DOCK2: variants seen among roughly 807,000 people sequenced by gnomAD.
DOCK2 encodes the protein dedicator of cytokinesis protein 2.
Under a neutral mutation model 248.9 loss-of-function variants are expected in DOCK2, and 87 were observed. That is an observed-to-expected ratio of 0.35 (90% confidence interval 0.29 to 0.42). DOCK2 has a LOEUF of 0.42. Among genes scored for constraint, DOCK2 ranks in the 10% least tolerant of loss-of-function variants. The pLI is 1.00. For missense variants in DOCK2, 1,747 were observed against 2,300.2 expected (o/e 0.76, Z 4.92); for synonymous variants, 805 against 821.6 (o/e 0.98, Z 0.35).
chr5:169,975,229 C>T (rs1777674511), intron 27 of DOCK2, among the ~76,000 whole-genome samples: 1 of 152,224 alleles, frequency 6.6e-6, no homozygotes. Flanking sequence ...GTGCTTTTCA[C>T]AAACTCCTGA....
chr5:169,986,041 C>A, intron 29 of DOCK2, 119 bp downstream of exon 29: 2 of 931,210 alleles, frequency 2.1e-6, no homozygotes, highest in Non-Finnish European at 3.1e-6. Context: ...AGTGTTAAGG[C>A]ATGCTTTCTT....
intron 27 of DOCK2, among the ~76,000 whole-genome samples, chr5:169,952,729 T>C (rs142068132): frequency 1.3e-5 from 2 of 152,282 alleles, no homozygotes; most frequent in East Asian, 3.9e-4. Context: ...TGGAGACATC[T>C]CAGGTAGGGG....
At position 169,753,377 on chromosome 5, in the gene DOCK2, G is replaced by T. The variant is rs553317885; in HGVS notation, c.2376+5873G>T. Among the ~76,000 whole-genome samples the T allele has an allele frequency of 3.5e-3, 424 of 122,222 alleles. 2 individuals are homozygous for T. Among genetic ancestry groups the T allele is most frequent in the African/African-American group, 0.013 (413 of 31,668 alleles). The allele number at this position is 122,222 out of a possible 152,430, so 80.2% of individuals were successfully genotyped here. A position where few individuals can be genotyped will look rare whatever the true frequency, so the allele number is the denominator to read the frequency against. On this transcript the variant is annotated intron_variant, in intron 23 of 51. Transcript: ENST00000520908. ...CCTCACCCCCCCCCACCCCCTGACA[G>T]CTCCCCTGTGTGTTGTTCCCCACCC...
At chr5:169,960,603 G>T (rs1334691394) in intron 27 of DOCK2, among the ~76,000 whole-genome samples, 3 of 152,120 alleles carry the variant, frequency 2.0e-5, no homozygotes, top group Non-Finnish European at 4.4e-5. Context: ...ATAATGGAGG[G>T]CCAGCCATTT....
intron 27 of DOCK2, among the ~76,000 whole-genome samples, chr5:169,939,533 A>G (rs1465245995): frequency 6.6e-6 from 1 of 152,154 alleles, no homozygotes; most frequent in African/African-American, 2.4e-5. Context: ...TATTATTGTC[A>G]ATTATGTGCT....
chr5:169,745,902 G>T (rs992954325), intron 22 of DOCK2, among the ~76,000 whole-genome samples: 1 of 152,148 alleles, frequency 6.6e-6, no homozygotes, highest in Non-Finnish European at 1.5e-5. Context: ...AAGCCGGGGT[G>T]GGGGTGAGTT....
chr5:169,671,037 G>T, intron 4 of DOCK2, 41 bp from the exon 5 acceptor site: 1 of 1,567,648 alleles, frequency 6.4e-7, no homozygotes, highest in Non-Finnish European at 8.8e-7. Context: ...GTTAGCACCT[G>T]GGTCTCAATT....
chr5:169,725,783 T>C (rs1422536792), intron 22 of DOCK2, among the ~76,000 whole-genome samples: 1 of 152,142 alleles, frequency 6.6e-6, no homozygotes, highest in East Asian at 1.9e-4. Flanking sequence ...TGCGATAGTT[T>C]GCTTAGAATG....
intron 47 of DOCK2, among the ~76,000 whole-genome samples, chr5:170,077,376 T>C (rs1757871089): frequency 6.6e-6 from 1 of 152,180 alleles, no homozygotes; most frequent in Non-Finnish European, 1.5e-5. Context: ...AGCCCTATAA[T>C]CATAGAGCTG....
intron 32 of DOCK2, among the ~76,000 whole-genome samples, chr5:170,016,110 C>T (rs1025653387): frequency 2.0e-5 from 3 of 152,190 alleles, no homozygotes; most frequent in African/African-American, 7.2e-5. Flanking sequence ...GAGCTCTTCT[C>T]TGTGCTTACA....
chr5:169,679,831 C>A (rs548286590), intron 6 of DOCK2, among the ~76,000 whole-genome samples: 1 of 152,138 alleles, frequency 6.6e-6, no homozygotes, highest in African/African-American at 2.4e-5. Flanking sequence ...ATGAGAGATG[C>A]GCCTCTCAAT....
chr5:169,869,639 A>G (rs1444978153), intron 27 of DOCK2, among the ~76,000 whole-genome samples: 2 of 152,186 alleles, frequency 1.3e-5, no homozygotes, highest in East Asian at 3.9e-4. Context: ...ATGCATTTCT[A>G]CTTCTTACTT....
intron 27 of DOCK2, among the ~76,000 whole-genome samples, chr5:169,846,605 CAT>C (rs1328884222): frequency 2.6e-4 from 21 of 79,502 alleles, no homozygotes; most frequent in African/African-American, 1.9e-3. Flanking sequence ...TATACACACA[CAT>C]ATACACACAC....
At chr5:170,048,616 G>T (rs550357418) in intron 40 of DOCK2, among the ~76,000 whole-genome samples, 48 of 152,272 alleles carry the variant, frequency 3.2e-4, no homozygotes, top group African/African-American at 1.1e-3. Context: ...CACACATCAC[G>T]CAGCCTCAGA....
At chr5:169,878,147 A>T (rs1772435677) in intron 27 of DOCK2, among the ~76,000 whole-genome samples, 1 of 152,144 alleles carries the variant, frequency 6.6e-6, no homozygotes, top group African/African-American at 2.4e-5. Context: ...ATGACTGGAA[A>T]AGTAGAGAAG....
Position 169,702,443 on chromosome 5 carries a change from C to T in DOCK2, c.1383+16C>T, listed in dbSNP as rs770030942. 1 of 1,613,074 alleles carries T rather than the reference C, an allele frequency of 6.2e-7. No homozygotes were observed. The highest frequency in any genetic ancestry group is 1.3e-5 in the African/African-American group (1 of 74,908). ...AACGCTGCCTGTAAGGGACTCACTG[C>T]TGCTCTGGGTGACAGGGTCCGCCTT... On this transcript the variant is annotated intron_variant, in intron 14 of 51. Coordinates refer to ENST00000520908, the MANE Select transcript of DOCK2 (RefSeq NM_004946.3).
intron 27 of DOCK2, among the ~76,000 whole-genome samples, chr5:169,930,492 T>G (rs1775698965): frequency 1.3e-5 from 2 of 152,142 alleles, no homozygotes; most frequent in Non-Finnish European, 2.9e-5. Flanking sequence ...GCTTCATTCA[T>G]GGTAAATGAG....
chr5:169,999,165 T>C (rs762941901), intron 30 of DOCK2, among the ~76,000 whole-genome samples: 1 of 152,238 alleles, frequency 6.6e-6, no homozygotes, highest in East Asian at 1.9e-4. Flanking sequence ...GTTTATATCC[T>C]GTTTTCCTGA....
chr5:169,864,477 G>C, intron 27 of DOCK2: 1 of 1,503,012 alleles, frequency 6.7e-7, no homozygotes, highest in Non-Finnish European at 8.9e-7. Flanking sequence ...ACACAGAGAG[G>C]AAGGAAGGAA....
Sources: gnomAD v4.1 joint callset for allele counts (sites outside exome capture counted in the v4.1 genomes callset) on GRCh38, gnomAD v4.1.1 for gene constraint, MANE v1.5 for transcripts, NCBI Gene and HGNC (gene_info 2026-07-23, HGNC 2026-07-21) for gene names.